Variants in CTNNA3 observed in about 807,000 individuals in gnomAD.
CTNNA3 encodes the protein catenin alpha 3, also known as catenin alpha-3.
In CTNNA3, 76 loss-of-function variants were observed where a neutral mutation model predicts 95.7. That is an observed-to-expected ratio of 0.79 (90% CI 0.66 to 0.96). The LOEUF (loss-of-function observed/expected upper bound fraction) is 0.96, where lower values mean the gene tolerates loss of function less well. Among genes scored for constraint, CTNNA3 ranks in the 40% least tolerant of loss-of-function variants. The pLI is 0.00. For missense variants in CTNNA3, 1,191 were observed against 1,089.8 expected (o/e 1.09, Z -1.31); for synonymous variants, 431 against 374.4 (o/e 1.15, Z -1.74).
At chr10:67,588,365 C>A (rs577116822) in intron 3 of CTNNA3, among the ~76,000 whole-genome samples, 16 of 152,126 alleles carry the variant, frequency 1.1e-4, no homozygotes, top group Admixed American at 8.5e-4. Context: ...GAGGGTGCTT[C>A]TTCCTGAAGC....
At chr10:66,744,279 T>C (rs1849429819) in intron 9 of CTNNA3, among the ~76,000 whole-genome samples, 1 of 152,194 alleles carries the variant, frequency 6.6e-6, no homozygotes, top group Admixed American at 6.5e-5. Flanking sequence ...TTTTTATTCC[T>C]TTGAATTGGC....
chr10:66,092,821 A>G (rs1191684746), intron 14 of CTNNA3, among the ~76,000 whole-genome samples: 1 of 151,952 alleles, frequency 6.6e-6, no homozygotes, highest in Non-Finnish European at 1.5e-5. Flanking sequence ...GCAAAAATAT[A>G]CTTGATGCCT....
At chr10:66,652,097 T>TAAAAAAA (rs59359956) in intron 9 of CTNNA3, among the ~76,000 whole-genome samples, 29 of 122,382 alleles carry the variant, frequency 2.4e-4, no homozygotes, top group Non-Finnish European at 4.4e-4. Context: ...CTCAAGGAAC[T>TAAAAAAA]AAAAAAAAAA....
intron 1 of CTNNA3, among the ~76,000 whole-genome samples, chr10:67,654,355 G>A (rs983517190): frequency 1.3e-5 from 2 of 152,240 alleles, no homozygotes; most frequent in South Asian, 2.1e-4. Flanking sequence ...CAATACAAAC[G>A]TTAAAGATAG....
intron 7 of CTNNA3, among the ~76,000 whole-genome samples, chr10:66,814,497 A>G (rs184004588): frequency 6.6e-6 from 1 of 152,242 alleles, no homozygotes; most frequent in African/African-American, 2.4e-5. Context: ...GCAGTGGATC[A>G]CACCTGTAAT....
intron 10 of CTNNA3, among the ~76,000 whole-genome samples, chr10:66,547,219 G>A (rs551991438): frequency 6.6e-6 from 1 of 151,812 alleles, no homozygotes; most frequent in African/African-American, 2.4e-5. Context: ...AACAAAACAC[G>A]TCACACGACC....
At chr10:67,261,570 A>G (rs899607521) in intron 5 of CTNNA3, among the ~76,000 whole-genome samples, 1 of 152,168 alleles carries the variant, frequency 6.6e-6, no homozygotes, top group Admixed American at 6.5e-5. Context: ...CTTTCTCATT[A>G]ATTCTGGCTT....
intron 7 of CTNNA3, among the ~76,000 whole-genome samples, chr10:67,120,848 C>T (rs1199323454): frequency 2.0e-5 from 3 of 152,096 alleles, no homozygotes; most frequent in Non-Finnish European, 4.4e-5. Flanking sequence ...TATTCTACTA[C>T]GTGGAGAAAG....
At chr10:67,063,786 G>A (rs1024028039) in intron 7 of CTNNA3, among the ~76,000 whole-genome samples, 13 of 152,200 alleles carry the variant, frequency 8.5e-5, no homozygotes, top group African/African-American at 3.1e-4. Flanking sequence ...ATTGAGAGGT[G>A]GCTTGGAGAA....
chr10:66,249,950 T>C (rs2090485264), intron 13 of CTNNA3, among the ~76,000 whole-genome samples: 1 of 152,202 alleles, frequency 6.6e-6, no homozygotes, highest in Non-Finnish European at 1.5e-5. Flanking sequence ...CTTCACTTTA[T>C]AGTAGGCAGC....
chr10:66,882,603 C>G (rs901632415), intron 7 of CTNNA3, among the ~76,000 whole-genome samples: 2 of 152,156 alleles, frequency 1.3e-5, no homozygotes, highest in African/African-American at 4.8e-5. Flanking sequence ...GAAGAATATT[C>G]TACTTAAAAG....
chr10:66,538,598 T>A (rs1564519872), intron 10 of CTNNA3, among the ~76,000 whole-genome samples: 1 of 152,290 alleles, frequency 6.6e-6, no homozygotes, highest in East Asian at 1.9e-4. Context: ...GTGACTCTCC[T>A]GAATCAGGCA....
chr10:66,792,084 A>T (rs980853685), intron 7 of CTNNA3, among the ~76,000 whole-genome samples: 1 of 152,210 alleles, frequency 6.6e-6, no homozygotes, highest in Non-Finnish European at 1.5e-5. Context: ...TTGCATGAAT[A>T]GCTTTAATAT....
intron 11 of CTNNA3, among the ~76,000 whole-genome samples, chr10:66,454,644 T>A (rs1224839195): frequency 6.6e-6 from 1 of 152,098 alleles, no homozygotes; most frequent in African/African-American, 2.4e-5. Context: ...TGTTAGTTTC[T>A]ACCAAACATT....
chr10:67,390,774 C>A (rs546395425), intron 5 of CTNNA3, among the ~76,000 whole-genome samples: 3,608 of 149,822 alleles, frequency 0.024, 139 homozygotes, highest in African/African-American at 0.083. Flanking sequence ...TAAATGTAAT[C>A]CAGCATATAA....
At position 67,620,386 on chromosome 10, in the gene CTNNA3, G is replaced by C. The variant is rs148788436; in HGVS notation, c.100-13337C>G. On this transcript the variant is annotated intron_variant, in intron 2 of 17. Coordinates refer to ENST00000433211, the MANE Select transcript of CTNNA3 (RefSeq NM_013266.4). ...AGGTCACCACATGGGTCCAAAGGCC[G>C]CATCTCCCACCGTGAAATCATATAA... Among the ~76,000 whole-genome samples, 25 of 152,172 alleles carry C rather than the reference G, an allele frequency of 1.6e-4. No homozygotes were observed. The East Asian group carries it at 4.2e-3, about 26-fold the overall frequency.
intron 11 of CTNNA3, among the ~76,000 whole-genome samples, chr10:66,453,032 G>A (rs1011227649): frequency 1.3e-5 from 2 of 149,670 alleles, no homozygotes; most frequent in East Asian, 2.0e-4. Flanking sequence ...TGGCTAACAC[G>A]GTGAAACCTT....
rs931049863 is a variant in CTNNA3 at position 67,230,374 on chromosome 10, C to T, written c.580-10504G>A. ...GACCTGAAATTATAAAAACTCTATACGATAACATTGGCTTAGGCAAAGATT... is the reference window on the plus strand; with the variant it reads ...GACCTGAAATTATAAAAACTCTATATGATAACATTGGCTTAGGCAAAGATT... On this transcript the variant is annotated intron_variant, in intron 5 of 17. Coordinates refer to ENST00000433211, the MANE Select transcript of CTNNA3 (RefSeq NM_013266.4). Among the ~76,000 whole-genome samples the T allele has an allele frequency of 1.3e-4, 20 of 151,826 alleles. 1 individual carries two copies. The highest frequency in any genetic ancestry group is 3.9e-4 in the Admixed American group (6 of 15,256).
At chr10:66,168,155 G>T (rs373999148) in intron 13 of CTNNA3, among the ~76,000 whole-genome samples, 3 of 152,214 alleles carry the variant, frequency 2.0e-5, no homozygotes, top group African/African-American at 7.2e-5. Flanking sequence ...ATATAACTGT[G>T]AGCTGTCTAT....
Sources: gnomAD v4.1 joint callset for allele counts (sites outside exome capture counted in the v4.1 genomes callset) on GRCh38, gnomAD v4.1.1 for gene constraint, MANE v1.5 for transcripts, NCBI Gene and HGNC (gene_info 2026-07-23, HGNC 2026-07-21) for gene names.